Variants in PRDM16 observed in about 807,000 individuals in gnomAD.
PRDM16 encodes the protein histone-lysine N-methyltransferase PRDM16.
In PRDM16, 23 loss-of-function variants were observed where a neutral mutation model predicts 110.6. That is an observed-to-expected ratio of 0.21 (90% confidence interval 0.15 to 0.29). The LOEUF (loss-of-function observed/expected upper bound fraction) is 0.29, where lower values mean the gene tolerates loss of function less well. Among genes scored for constraint, PRDM16 ranks in the 10% least tolerant of loss-of-function variants. PRDM16 has a pLI of 1.00. For missense variants in PRDM16, 1,615 were observed against 1,794.3 expected (o/e 0.90, Z 1.81); for synonymous variants, 799 against 781.8 (o/e 1.02, Z -0.37).
intron 3 of PRDM16, among the ~76,000 whole-genome samples, chr1:3,364,208 G>T (rs1035251297): frequency 6.6e-6 from 1 of 152,178 alleles, no homozygotes; most frequent in South Asian, 2.1e-4. Flanking sequence ...TGGCCACGAC[G>T]TGGCAGTGAA....
At chr1:3,342,990 A>G (rs148487963) in intron 3 of PRDM16, among the ~76,000 whole-genome samples, 107 of 152,086 alleles carry the variant, frequency 7.0e-4, no homozygotes, top group African/African-American at 2.2e-3. Flanking sequence ...TAAGTTTTCA[A>G]CTCATTTCAT....
At position 3,118,965 on chromosome 1, in the gene PRDM16, G is replaced by A. The variant is rs377575690; in HGVS notation, c.37+49669G>A. On this transcript the variant is annotated intron_variant, in intron 1 of 16. Coordinates refer to ENST00000270722, the MANE Select transcript of PRDM16 (RefSeq NM_022114.4). ...GGCATTTTGGCAAGAAAACACCCTG[G>A]CTGAGGAGCGAGACCCTGGCCCACA... 1.9e-4 allele frequency among the ~76,000 whole-genome samples: 29 copies of A among 152,322 alleles called. No homozygotes were observed. The East Asian group carries it at 2.5e-3, about 13-fold the overall frequency.
At chr1:3,423,070 T>C (rs1393369821) in intron 12 of PRDM16, among the ~76,000 whole-genome samples, 2 of 152,130 alleles carry the variant, frequency 1.3e-5, no homozygotes, top group African/African-American at 4.8e-5. Context: ...CCGGCAAAGG[T>C]TGGAAGGTTC....
At position 3,411,915 on chromosome 1, in the gene PRDM16, C is replaced by A; in HGVS notation, c.1718C>A (p.Ala573Glu). The A allele has an allele frequency of 6.2e-7, 1 of 1,613,674 alleles. No homozygotes were observed. Residue 573 changes from alanine (A) to glutamate (E), a missense_variant, in exon 9 of 17, where the codon GCG becomes GAG. By Grantham distance (107) the Ala-to-Glu change is moderately radical. Around this residue, in one of 5 missense-constraint regions of PRDM16, gnomAD observed 772 missense variants for 748.3 expected, o/e 1.03. Transcript: ENST00000270722. ...AGCAGCCAGGGCACGACGGCAGCTG[C>A]GGGGCCCGAGGAGAAGTTCGAGAGC... Reference protein sequence around the residue: ...SNSSQGTTAAAGPEEKFESRL... With the variant: ...SNSSQGTTAAEGPEEKFESRL...
At chr1:3,077,896 C>A (rs1247081284) in intron 1 of PRDM16, among the ~76,000 whole-genome samples, 2 of 152,218 alleles carry the variant, frequency 1.3e-5, no homozygotes, top group African/African-American at 4.8e-5. Flanking sequence ...GAGCTCAGCC[C>A]TGAAATAAAA....
rs770235387 is a variant in PRDM16, at chr1:3,385,203, G to A, written c.490G>A (p.Gly164Arg). 23 of 1,613,624 alleles carry A rather than the reference G, an allele frequency of 1.4e-5. No individual in the cohort carries two copies. The highest frequency in any genetic ancestry group is 1.9e-5 in the Non-Finnish European group (22 of 1,180,028). Residue 164 changes from glycine to arginine, a missense_variant, in exon 4 of 17, where the codon GGG becomes AGG. Gly to Arg is a moderately radical substitution (Grantham distance 125, BLOSUM62 -2). Around this residue, in one of 5 missense-constraint regions of PRDM16, gnomAD observed 416 missense variants for 467.1 expected, o/e 0.89. Coordinates refer to ENST00000270722, the MANE Select transcript of PRDM16 (RefSeq NM_022114.4). ...EKFCVDANQA[G>R]AGSWLKYIRV... is the part of the protein sequence containing the mutation. ...GTTCTGCGTGGATGCAAATCAGGCG[G>A]GGGCTGGCAGCTGGCTCAAGTACAT... is the stretch of plus-strand genomic sequence containing the variant.
intron 3 of PRDM16, among the ~76,000 whole-genome samples, chr1:3,314,984 T>C (rs1392860810): frequency 3.3e-5 from 5 of 152,124 alleles, no homozygotes; most frequent in Admixed American, 6.5e-5. Flanking sequence ...CGGGGAAAGA[T>C]GGATCGACTG....
At chr1:3,302,702 T>C (rs546450360) in intron 3 of PRDM16, among the ~76,000 whole-genome samples, 14 of 152,316 alleles carry the variant, frequency 9.2e-5, no homozygotes, top group Non-Finnish European at 1.0e-4. Context: ...GCACTGTGCG[T>C]GGGGCCATTT....
At chr1:3,158,778 C>CTTT (rs558510731) in intron 1 of PRDM16, among the ~76,000 whole-genome samples, 1 of 107,996 alleles carries the variant, frequency 9.3e-6, no homozygotes, top group African/African-American at 3.5e-5. Flanking sequence ...TTCTTTCCTT[C>CTTT]TTTTTTTTTT....
intron 1 of PRDM16, among the ~76,000 whole-genome samples, chr1:3,082,057 C>T (rs1014719939): frequency 6.6e-6 from 1 of 152,212 alleles, no homozygotes; most frequent in African/African-American, 2.4e-5. Flanking sequence ...CGCCAGCCTC[C>T]AGCCTCAGAG....
chr1:3,425,427 A>G lies in PRDM16; in HGVS notation c.2940-154A>G, dbSNP rs1458493710. On this transcript the variant is annotated intron_variant, in intron 12 of 16. Transcript: ENST00000270722. This position sits in a 1 kb window ranked among gnomAD's most constrained non-coding sequence, Gnocchi z 6.9. ...TTCCCCAGGATGCCTTTGGCTCTGC[A>G]GCTGGGAGATCCAGCAACCTCCGGG... is the stretch of plus-strand genomic sequence containing the variant. The G allele has an allele frequency of 1.5e-5, 11 of 741,390 alleles. No individual in the cohort carries two copies. The highest frequency in any genetic ancestry group is 3.1e-5 in the Admixed American group (1 of 32,674). The allele number at this position is 741,390 out of a possible 1,614,324, so 45.9% of individuals were successfully genotyped here.
intron 3 of PRDM16, among the ~76,000 whole-genome samples, chr1:3,361,434 G>A (rs1642711637): frequency 6.6e-6 from 1 of 152,242 alleles, no homozygotes; most frequent in Non-Finnish European, 1.5e-5. Flanking sequence ...ACCCCTGAAA[G>A]TTGTGTGTAG....
intron 4 of PRDM16, among the ~76,000 whole-genome samples, chr1:3,396,088 C>T (rs1643381852): frequency 6.6e-6 from 1 of 152,194 alleles, no homozygotes; most frequent in African/African-American, 2.4e-5. Context: ...ACACCCTGAG[C>T]TCCCCCTCCC....
chr1:3,076,564 A>C (rs1168164919), intron 1 of PRDM16, among the ~76,000 whole-genome samples: 1 of 152,170 alleles, frequency 6.6e-6, no homozygotes, highest in Non-Finnish European at 1.5e-5. Context: ...GGGCAGAAGC[A>C]CTGGAGCCTG....
intron 12 of PRDM16, among the ~76,000 whole-genome samples, chr1:3,424,538 G>A (rs1638537305): frequency 6.6e-6 from 1 of 152,256 alleles, no homozygotes. Context: ...ACTTCCCCAC[G>A]TGCACGGTGC....
chr1:3,237,917 T>C (rs745702817), intron 2 of PRDM16: 11 of 152,256 alleles, frequency 7.2e-5, no homozygotes, highest in Non-Finnish European at 1.3e-4. Context: ...AGCAGACTGC[T>C]TGTGGCCGGA....
intron 2 of PRDM16, among the ~76,000 whole-genome samples, chr1:3,223,515 AG>A (rs1639221890): frequency 6.6e-6 from 1 of 152,168 alleles, no homozygotes; most frequent in Admixed American, 6.5e-5. Flanking sequence ...TCGTGGCAAG[AG>A]GGAGAAAGAC....
intron 3 of PRDM16, among the ~76,000 whole-genome samples, chr1:3,282,592 G>A (rs1404064973): frequency 6.6e-6 from 1 of 152,176 alleles, no homozygotes; most frequent in Non-Finnish European, 1.5e-5. Flanking sequence ...TCAGGGAAAT[G>A]GGGAAAGACT....
rs908103373 is a variant in PRDM16, at chr1:3,148,471, G to A, written c.38-37654G>A. Among the ~76,000 whole-genome samples the A allele has an allele frequency of 1.3e-5, 2 of 152,172 alleles. No homozygotes were observed. The highest frequency in any genetic ancestry group is 2.4e-5 in the African/African-American group (1 of 41,438). On this transcript the variant is annotated intron_variant, in intron 1 of 16. Coordinates refer to ENST00000270722, the MANE Select transcript of PRDM16 (RefSeq NM_022114.4). This position sits in a 1 kb window ranked among gnomAD's most constrained non-coding sequence, Gnocchi z 5.0. ...ATTGGGTGCATCCAGCCACTCACCC[G>A]CAGCAGGTGGAACCCCTGCCTCACC... is the stretch of plus-strand genomic sequence containing the variant.
Sources: allele counts gnomAD v4.1 joint callset (sites outside exome capture counted in the v4.1 genomes callset), GRCh38; gene constraint gnomAD v4.1.1; regional missense constraint gnomAD v4.1.1; non-coding constraint Gnocchi (gnomAD v3.1); transcripts MANE v1.5; gene names NCBI Gene and HGNC (gene_info 2026-07-23, HGNC 2026-07-21).